NLRP13: variants seen among roughly 807,000 people sequenced by gnomAD.
The protein encoded by NLRP13 is NACHT, LRR and PYD domains-containing protein 13.
In NLRP13, 82 loss-of-function variants were observed where a neutral mutation model predicts 94.4. That is an observed-to-expected ratio of 0.87 (90% CI 0.73 to 1.04). The LOEUF is 1.04. NLRP13 is among the 50% of genes least tolerant of loss of function. The pLI, the probability that NLRP13 is intolerant of heterozygous loss-of-function variation, is 0.00. For synonymous variants in NLRP13, 553 were observed against 464.7 expected (o/e 1.19, Z -2.45); for missense variants, 1,426 against 1,230.8 (o/e 1.16, Z -2.37).
intron 7 of NLRP13, among the ~76,000 whole-genome samples, chr19:55,907,061 C>A (rs532411433): frequency 2.6e-5 from 4 of 152,064 alleles, no homozygotes; most frequent in Admixed American, 6.6e-5. Context: ...CGGGTTCAAG[C>A]GAGTCTCCTG....
chr19:55,928,698 G>C (rs568726325), intron 1 of NLRP13, among the ~76,000 whole-genome samples: 53 of 152,324 alleles, frequency 3.5e-4, no homozygotes, highest in African/African-American at 1.2e-3. Context: ...CAGAATTTAA[G>C]AGTTCTAAAT....
intron 8 of NLRP13, 106 bp from the exon 9 acceptor site, chr19:55,902,311 C>G (rs1014046589): frequency 2.2e-6 from 2 of 896,476 alleles, no homozygotes; most frequent in East Asian, 2.6e-5. Context: ...TGCAGCAGCT[C>G]CCTGGACGAC....
intron 9 of NLRP13, among the ~76,000 whole-genome samples, chr19:55,899,432 G>T (rs1272532323): frequency 6.6e-6 from 1 of 152,102 alleles, no homozygotes; most frequent in Non-Finnish European, 1.5e-5. Context: ...GGAAAGACAA[G>T]GAAGCGACAG....
intron 1 of NLRP13, among the ~76,000 whole-genome samples, chr19:55,925,463 T>C (rs1462942871): frequency 6.6e-6 from 1 of 152,246 alleles, no homozygotes; most frequent in East Asian, 1.9e-4. Flanking sequence ...ATTTATGCGT[T>C]ATGTCTATTG....
chr19:55,912,369 AG>A lies in NLRP13; in HGVS notation c.1447del (p.Leu483SerfsTer6). ...DDSWPGQWRA[L>X]CSLAIEGLWS... ...CAGCCCTTCTATGGCCAGACTGCAG[AG>A]GGCCCTCCATTGTCCTGGCCAGCTG... On this transcript the variant is annotated frameshift_variant, in exon 5 of 11. Transcript: ENST00000342929. LOFTEE classifies it high-confidence loss of function. 6.2e-7 allele frequency: 1 copy of A among 1,614,078 alleles called. No individual in the cohort carries two copies. Among genetic ancestry groups the A allele is most frequent in the Admixed American group, 1.7e-5 (1 of 60,002 alleles).
chr19:55,914,150 T>G (rs1276807115), intron 4 of NLRP13, among the ~76,000 whole-genome samples: 1 of 152,170 alleles, frequency 6.6e-6, no homozygotes, highest in African/African-American at 2.4e-5. Flanking sequence ...ATTCCTGGGT[T>G]TCTTCCCAAA....
rs1318794976 is a variant in NLRP13 at position 55,898,762 on chromosome 19, C to T, written c.2957+8G>A. On this transcript the variant is annotated splice_region_variant and intron_variant, in intron 10 of 10. Coordinates refer to ENST00000342929, the MANE Select transcript of NLRP13 (RefSeq NM_176810.2). ...GAAGACTCTGCAAGGAGAACAGCATCAACTCACCCAAGTGTGTGCAATGCA... is the reference window on the plus strand; with the variant it reads ...GAAGACTCTGCAAGGAGAACAGCATTAACTCACCCAAGTGTGTGCAATGCA... The T allele has an allele frequency of 1.9e-6, 3 of 1,595,676 alleles. No homozygotes were observed. Among genetic ancestry groups the T allele is most frequent in the Non-Finnish European group, 8.5e-7 (1 of 1,171,736 alleles).
At chr19:55,901,806 C>T (rs1431587653) in intron 9 of NLRP13, among the ~76,000 whole-genome samples, 1 of 152,044 alleles carries the variant, frequency 6.6e-6, no homozygotes, top group Non-Finnish European at 1.5e-5. Flanking sequence ...CCCGAGTCCT[C>T]CCAGTGAAAC....
At chr19:55,901,655 G>A (rs1986179182) in intron 9 of NLRP13, among the ~76,000 whole-genome samples, 1 of 152,184 alleles carries the variant, frequency 6.6e-6, no homozygotes, top group East Asian at 1.9e-4. Context: ...TATCCCACAT[G>A]TGATTGCACG....
chr19:55,920,716 T>C (rs1257146853), intron 4 of NLRP13, among the ~76,000 whole-genome samples: 1 of 152,008 alleles, frequency 6.6e-6, no homozygotes, highest in Non-Finnish European at 1.5e-5. Context: ...GAACTAAAAA[T>C]AGAACTACCA....
At chr19:55,905,235 C>G in intron 7 of NLRP13, 123 bp from the exon 8 acceptor site, 1 of 1,112,612 alleles carries the variant, frequency 9.0e-7, no homozygotes, top group Non-Finnish European at 1.3e-6. Flanking sequence ...GGAGAAAGAA[C>G]AAAAGCTTAA....
intron 4 of NLRP13, among the ~76,000 whole-genome samples, chr19:55,921,823 C>G (rs1253783350): frequency 6.6e-6 from 1 of 152,030 alleles, no homozygotes; most frequent in East Asian, 1.9e-4. Context: ...AGGCCACAAC[C>G]CAAGAAATAC....
chr19:55,931,994 T>TTCTTGAGGACTC lies in NLRP13; in HGVS notation c.317_318insGAGTCCTCAAGA (p.Lys106_Glu107insSerProGlnGlu), dbSNP rs1256363005. The TTCTTGAGGACTC allele has an allele frequency of 5.0e-6, 8 of 1,612,906 alleles. No homozygotes were observed. The African/African-American group carries it at 1.1e-4, about 22-fold the overall frequency. ...GCCTTCCTTCTTGAGGACTCTCACC[T>TTCTTGAGGACTC]TTCATCTCGGCTCTAACTTTCTCAC... On this transcript the variant is annotated inframe_insertion and splice_region_variant, in exon 1 of 11. Coordinates refer to ENST00000342929, the MANE Select transcript of NLRP13 (RefSeq NM_176810.2).
chr19:55,902,665 C>T (rs949879219), intron 8 of NLRP13, among the ~76,000 whole-genome samples: 1 of 151,974 alleles, frequency 6.6e-6, no homozygotes, highest in South Asian at 2.1e-4. Context: ...TGGGACAGCA[C>T]TTGGCAAACA....
At chr19:55,892,182 T>G, downstream of NLRP13, 2 of 1,197,422 alleles carry the variant, frequency 1.7e-6, no homozygotes, top group Non-Finnish European at 2.1e-6. Context: ...TAATTTTTAA[T>G]TTTTAAGGTT....
intron 4 of NLRP13, among the ~76,000 whole-genome samples, chr19:55,916,358 A>C (rs899876325): frequency 2.0e-5 from 3 of 152,228 alleles, no homozygotes; most frequent in African/African-American, 7.2e-5. Context: ...ACTCTCTAGC[A>C]ATGGATCCTA....
At chr19:55,897,904 C>T (rs1986057574) in intron 10 of NLRP13, among the ~76,000 whole-genome samples, 1 of 152,158 alleles carries the variant, frequency 6.6e-6, no homozygotes, top group Admixed American at 6.6e-5. Context: ...CTAATGGAAC[C>T]ATTCCCTACA....
rs372124894 is a variant in NLRP13 at position 55,911,908 on chromosome 19, G to A, written c.1909C>T (p.Arg637Ter). 33 of 1,613,980 alleles carry A rather than the reference G, an allele frequency of 2.0e-5. No individual in the cohort carries two copies. The highest frequency in any genetic ancestry group is 5.3e-5 in the African/African-American group (4 of 74,920). Reference sequence around the variant, plus strand: ...GACTCGTGTAGGCAGTGAAAAAGTCGTAGAATGTGAAATTGGAGAGAGGCA... The same window carrying A: ...GACTCGTGTAGGCAGTGAAAAAGTCATAGAATGTGAAATTGGAGAGAGGCA... ...ESASLQFHILRLFHCLHESQE... is the reference protein window; with the variant it reads ...ESASLQFHIL The change falls in exon 5 of 11, where the codon CGA becomes TGA. Residue 637 changes from arginine (R) to a stop codon, truncating the protein, a stop_gained. Coordinates refer to ENST00000342929, the MANE Select transcript of NLRP13 (RefSeq NM_176810.2). LOFTEE classifies it high-confidence loss of function.
intron 1 of NLRP13, among the ~76,000 whole-genome samples, chr19:55,929,594 G>T (rs1044421229): frequency 5.9e-5 from 9 of 152,120 alleles, no homozygotes; most frequent in Admixed American, 1.3e-4. Context: ...ATGGACACAG[G>T]GAGGGGAACA....
Sources: allele counts gnomAD v4.1 joint callset (sites outside exome capture counted in the v4.1 genomes callset), GRCh38; gene constraint gnomAD v4.1.1; transcripts MANE v1.5; gene names NCBI Gene and HGNC (gene_info 2026-07-23, HGNC 2026-07-21).